The following FAM167A variants were observed in gnomAD, a reference collection of about 807,000 sequenced individuals.
FAM167A encodes the protein family with sequence similarity 167 member A.
FAM167A carries 23 observed loss-of-function variants against 14.9 expected under a neutral mutation model. That is an observed-to-expected ratio of 1.55 (90% CI 1.11 to 2.19). The LOEUF (loss-of-function observed/expected upper bound fraction) is 2.19. Ranked by LOEUF, FAM167A falls within the 30% of genes most tolerant of loss-of-function variation. The pLI is 0.00. For missense variants in FAM167A, 401 were observed against 281.5 expected, an observed-to-expected ratio of 1.42 and a Z score of -3.04; for synonymous variants, 174 against 117.7, an observed-to-expected ratio of 1.48 and a Z score of -3.10.
intron 1 of FAM167A, among the ~76,000 whole-genome samples, chr8:11,455,913 G>GTGTGA: frequency 6.8e-6 from 1 of 147,676 alleles, no homozygotes; most frequent in African/African-American, 2.5e-5. Flanking sequence ...GTGAGTGTGA[G>GTGTGA]GGGTGGTTGC....
intron 2 of FAM167A, among the ~76,000 whole-genome samples, chr8:11,442,784 A>C (rs67350204): frequency 6.6e-6 from 1 of 151,876 alleles, no homozygotes. Context: ...CCGACAGCAC[A>C]TGCACCCTCT....
intron 1 of FAM167A, among the ~76,000 whole-genome samples, chr8:11,464,600 G>C (rs567713875): frequency 6.6e-6 from 1 of 152,238 alleles, no homozygotes; most frequent in Non-Finnish European, 1.5e-5. Context: ...GGGATTTCCA[G>C]TTAGTGGCAC....
chr8:11,444,100 G>A lies in FAM167A; in HGVS notation c.312C>T (p.Pro104=), dbSNP rs1236979286. 6.2e-7 allele frequency: 1 copy of A among 1,613,560 alleles called. No homozygotes were observed. The highest frequency in any genetic ancestry group is 8.5e-7 in the Non-Finnish European group (1 of 1,180,026). Residue 104 remains proline, a synonymous_variant, in exon 2 of 3, where the codon CCC becomes CCT. Coordinates refer to ENST00000284486, the MANE Select transcript of FAM167A (RefSeq NM_053279.3). The part of the protein sequence containing the change: ...SARSASQGAR[P]LSTGKLEGFQ... Reference sequence around the variant, plus strand: ...AGCCTTCCAGCTTGCCAGTGGACAGGGGTCTGGCACCTTGGCTGGCACTCC... The same window carrying A: ...AGCCTTCCAGCTTGCCAGTGGACAGAGGTCTGGCACCTTGGCTGGCACTCC...
rs771301144 is a variant in FAM167A at position 11,424,375 on chromosome 8, A to G, written c.643T>C (p.Ter215ArgextTer23). ...NINSRRFSLC[*>R] ...CCTCCGCCCAGTCTGAGGGCTCCTC[A>G]GCAGAGAGAGAACCTCCGAGAGTTG... The change falls in exon 3 of 3, where the codon TGA (stop) becomes CGA (arginine). Residue 215 changes from the stop codon to arginine (R), a stop_lost. Coordinates refer to ENST00000284486, the MANE Select transcript of FAM167A (RefSeq NM_053279.3). 2 of 1,613,984 alleles carry G rather than the reference A, an allele frequency of 1.2e-6. No individual in the cohort carries two copies. Among genetic ancestry groups the G allele is most frequent in the Non-Finnish European group, 1.7e-6 (2 of 1,179,962 alleles).
intron 2 of FAM167A, among the ~76,000 whole-genome samples, chr8:11,425,043 T>C (rs1236978022): frequency 6.6e-6 from 1 of 152,136 alleles, no homozygotes; most frequent in East Asian, 1.9e-4. Context: ...GGGAAAGGTA[T>C]ATGGGGGCTT....
At chr8:11,472,441 T>G (rs1807989454), upstream of FAM167A, among the ~76,000 whole-genome samples, 2 of 138,740 alleles carry the variant, frequency 1.4e-5, no homozygotes, top group Non-Finnish European at 3.0e-5. Context: ...TTTTGGGTTT[T>G]TTTTTTTTTT....
At chr8:11,448,422 G>C (rs1356646218) in intron 1 of FAM167A, among the ~76,000 whole-genome samples, 1 of 152,146 alleles carries the variant, frequency 6.6e-6, no homozygotes, top group South Asian at 2.1e-4. Context: ...CCTTAGTCAT[G>C]GTTTTTAAAA....
chr8:11,448,021 C>T (rs1806860609), intron 1 of FAM167A, among the ~76,000 whole-genome samples: 1 of 152,076 alleles, frequency 6.6e-6, no homozygotes, highest in African/African-American at 2.4e-5. Context: ...TAGTGAAACC[C>T]CGTCTCTACT....
At chr8:11,474,153 G>A (rs971157720) in intron 1 of FAM167A, among the ~76,000 whole-genome samples, 4 of 152,210 alleles carry the variant, frequency 2.6e-5, no homozygotes, top group Middle Eastern at 3.2e-3. Context: ...GGGATTACAG[G>A]CACGAGCCAC....
upstream of FAM167A, among the ~76,000 whole-genome samples, chr8:11,468,084 G>A (rs1807842513): frequency 6.6e-6 from 1 of 152,172 alleles, no homozygotes; most frequent in Non-Finnish European, 1.5e-5. Context: ...GGGTCCAAGC[G>A]TGCACGCAGT....
At chr8:11,431,000 T>C (rs1805542186) in intron 2 of FAM167A, among the ~76,000 whole-genome samples, 1 of 152,210 alleles carries the variant, frequency 6.6e-6, no homozygotes, top group South Asian at 2.1e-4. Context: ...GGAAACAGCA[T>C]GGCGGGTCCC....
intron 2 of FAM167A, among the ~76,000 whole-genome samples, chr8:11,436,902 T>G (rs1014625863): frequency 2.6e-5 from 4 of 152,188 alleles, no homozygotes; most frequent in Non-Finnish European, 4.4e-5. Flanking sequence ...GGACAGGACA[T>G]GAGCTGCTGG....
chr8:11,461,399 C>T (rs552757303), intron 1 of FAM167A, among the ~76,000 whole-genome samples: 17 of 152,384 alleles, frequency 1.1e-4, no homozygotes, highest in African/African-American at 4.1e-4. Flanking sequence ...GCTGCCGCCC[C>T]GCCAACCGCC....
intron 1 of FAM167A, among the ~76,000 whole-genome samples, chr8:11,455,892 A>AGT: frequency 7.9e-6 from 1 of 127,076 alleles, no homozygotes; most frequent in Non-Finnish European, 1.6e-5. Flanking sequence ...GTTGCCTTGC[A>AGT]GAGTGTGAGT....
chr8:11,472,897 C>T (rs1036921928), intron 1 of FAM167A, among the ~76,000 whole-genome samples: 3 of 152,120 alleles, frequency 2.0e-5, no homozygotes, highest in South Asian at 2.1e-4. Flanking sequence ...GGCAGGAGGC[C>T]GGACCAGGAA....
chr8:11,445,845 G>A (rs1170089604), intron 1 of FAM167A, among the ~76,000 whole-genome samples: 1 of 152,086 alleles, frequency 6.6e-6, no homozygotes, highest in Non-Finnish European at 1.5e-5. Flanking sequence ...TGTGCTGGGG[G>A]ACATGCAGCT....
rs1437775716 is a variant in FAM167A, at chr8:11,422,005, C to T, written c.*2368G>A. ...ATCGCTGTCCCCCTCCACTTCTCAT[C>T]TTGGGTCACCTCCTCATCCCATAAT... On this transcript the variant is annotated 3_prime_UTR_variant, in exon 3 of 3. Transcript: ENST00000284486. The T allele has an allele frequency of 1.3e-5, 5 of 395,352 alleles. No homozygotes were observed. Among genetic ancestry groups the T allele is most frequent in the Non-Finnish European group, 2.2e-5 (5 of 224,632 alleles). The allele number at this position is 395,352 out of a possible 1,614,324, so 24.5% of individuals were successfully genotyped here.
At chr8:11,455,961 C>CTGTGTGAG (rs1280585394) in intron 1 of FAM167A, among the ~76,000 whole-genome samples, 8 of 95,502 alleles carry the variant, frequency 8.4e-5, no homozygotes, top group South Asian at 3.9e-4. Flanking sequence ...GGTTGCCTTG[C>CTGTGTGAG]TGTGAGTGAG....
At chr8:11,464,312 C>A (rs1807664668) in intron 1 of FAM167A, among the ~76,000 whole-genome samples, 1 of 152,148 alleles carries the variant, frequency 6.6e-6, no homozygotes, top group African/African-American at 2.4e-5. Flanking sequence ...AAGCTGAGAC[C>A]TGCGGCCTAC....
Sources: gnomAD v4.1 joint callset for allele counts (sites outside exome capture counted in the v4.1 genomes callset) on GRCh38, gnomAD v4.1.1 for gene constraint, MANE v1.5 for transcripts, NCBI Gene and HGNC (gene_info 2026-07-23, HGNC 2026-07-21) for gene names.